RETREG1: variants seen among roughly 807,000 people sequenced by gnomAD.
The protein encoded by RETREG1 is reticulophagy regulator 1.
Under a neutral mutation model 54.8 loss-of-function variants are expected in RETREG1, and 44 were observed. The ratio of observed to expected loss-of-function variants is 0.80; its 90% CI spans 0.63 to 1.03. The LOEUF is 1.03. RETREG1 is among the 50% of genes least tolerant of loss of function. The pLI, the probability that RETREG1 is intolerant of heterozygous loss-of-function variation, is 0.00. For missense variants in RETREG1, 554 were observed against 605.1 expected (o/e 0.92, Z 0.89); for synonymous variants, 217 against 238.5 (o/e 0.91, Z 0.83).
intron 3 of RETREG1, among the ~76,000 whole-genome samples, chr5:16,535,805 G>C (rs1353442595): frequency 7.3e-6 from 1 of 136,502 alleles, no homozygotes; most frequent in Non-Finnish European, 1.5e-5. Flanking sequence ...TGGGGTTCCT[G>C]TGTGCACGCT....
intron 3 of RETREG1, chr5:16,509,007 C>T: frequency 9.9e-7 from 1 of 1,009,808 alleles, no homozygotes; most frequent in Non-Finnish European, 1.2e-6. Context: ...ATGACTTCAC[C>T]TAGGCCCGCC....
Position 16,477,670 on chromosome 5 carries a change from G to A in RETREG1, c.992C>T (p.Thr331Ile), listed in dbSNP as rs762417636. ...LSEGYTPQTD[T>I]SDDLDRPSEE... ...CAGAAATATTAGCATACCATCAGAA[G>A]TGTCTGTCTGTGGAGTGTATCCTTC... Residue 331 changes from threonine to isoleucine, a missense_variant, in exon 8 of 9, where the codon ACT becomes ATT. Physicochemically the swap from Thr to Ile is moderately conservative, Grantham distance 89. Transcript: ENST00000306320. 1 of 1,612,976 alleles carries A rather than the reference G, an allele frequency of 6.2e-7. No individual in the cohort carries two copies. The highest frequency in any genetic ancestry group is 8.5e-7 in the Non-Finnish European group (1 of 1,179,262).
intron 1 of RETREG1, among the ~76,000 whole-genome samples, chr5:16,580,824 G>A (rs1742459673): frequency 6.6e-6 from 1 of 152,164 alleles, no homozygotes; most frequent in Admixed American, 6.5e-5. Context: ...AAGTGAAAAT[G>A]CAGAGACCTC....
At chr5:16,479,645 T>C (rs1439056602) in intron 5 of RETREG1, among the ~76,000 whole-genome samples, 2 of 152,122 alleles carry the variant, frequency 1.3e-5, no homozygotes, top group Non-Finnish European at 2.9e-5. Context: ...GAGAATGGAT[T>C]TGAGCTCTGA....
At chr5:16,552,305 G>T (rs1389634438) in intron 3 of RETREG1, among the ~76,000 whole-genome samples, 4 of 152,158 alleles carry the variant, frequency 2.6e-5, no homozygotes, top group Non-Finnish European at 5.9e-5. Flanking sequence ...ACAATCACTT[G>T]CAAATTAAGT....
At chr5:16,550,156 C>G (rs1741492716) in intron 3 of RETREG1, among the ~76,000 whole-genome samples, 1 of 152,026 alleles carries the variant, frequency 6.6e-6, no homozygotes, top group African/African-American at 2.4e-5. Context: ...AGTGAGGATA[C>G]TACACCATGA....
chr5:16,567,110 G>C (rs549386767), intron 2 of RETREG1, among the ~76,000 whole-genome samples: 1 of 152,334 alleles, frequency 6.6e-6, no homozygotes, highest in East Asian at 1.9e-4. Context: ...GGTAAGGACA[G>C]CATCTCTGTA....
intron 3 of RETREG1, among the ~76,000 whole-genome samples, chr5:16,526,210 G>A (rs981763540): frequency 2.0e-5 from 3 of 152,218 alleles, no homozygotes; most frequent in Non-Finnish European, 4.4e-5. Context: ...ATTCTGTAGA[G>A]AAATATTTTG....
chr5:16,599,132 C>T (rs768636131), intron 1 of RETREG1, among the ~76,000 whole-genome samples: 15 of 152,116 alleles, frequency 9.9e-5, no homozygotes, highest in African/African-American at 3.6e-4. Context: ...TGCTTGAGCC[C>T]GGAAGTGGAG....
chr5:16,518,376 G>C (rs955911380), intron 3 of RETREG1, among the ~76,000 whole-genome samples: 3 of 151,158 alleles, frequency 2.0e-5, no homozygotes, highest in Admixed American at 2.0e-4. Flanking sequence ...GAGGGGGAGA[G>C]GATGGGTGAA....
intron 3 of RETREG1, among the ~76,000 whole-genome samples, chr5:16,531,709 G>A (rs1042461913): frequency 6.6e-6 from 1 of 152,126 alleles, no homozygotes; most frequent in Non-Finnish European, 1.5e-5. Context: ...GACACGCGTG[G>A]CACATCTGAG....
intron 3 of RETREG1, among the ~76,000 whole-genome samples, chr5:16,497,724 A>G (rs960011702): frequency 6.6e-6 from 1 of 152,178 alleles, no homozygotes; most frequent in Non-Finnish European, 1.5e-5. Context: ...ATTGCCATGC[A>G]TGGCAGACCA....
At chr5:16,614,379 CAA>C (rs1280709846) in intron 1 of RETREG1, among the ~76,000 whole-genome samples, 14 of 152,210 alleles carry the variant, frequency 9.2e-5, no homozygotes, top group Admixed American at 7.8e-4. Flanking sequence ...TATAAACAAA[CAA>C]TGCTGATAAA....
At chr5:16,520,423 G>A (rs142037344) in intron 3 of RETREG1, among the ~76,000 whole-genome samples, 5,449 of 152,004 alleles carry the variant, frequency 0.036, 336 homozygotes, top group African/African-American at 0.12. Context: ...TCCGTCTCCC[G>A]CGTTCAAGCG....
At chr5:16,524,722 G>A (rs1182854325) in intron 3 of RETREG1, among the ~76,000 whole-genome samples, 2 of 152,214 alleles carry the variant, frequency 1.3e-5, no homozygotes, top group African/African-American at 4.8e-5. Context: ...TCCAGCTTCT[G>A]TGTCCTTCCC....
At chr5:16,591,834 A>G (rs1050577591) in intron 1 of RETREG1, among the ~76,000 whole-genome samples, 1 of 152,250 alleles carries the variant, frequency 6.6e-6, no homozygotes, top group African/African-American at 2.4e-5. Context: ...CATGAAAAAC[A>G]ATGCAGGGAA....
At chr5:16,525,466 T>C (rs748862074) in intron 3 of RETREG1, among the ~76,000 whole-genome samples, 7 of 152,116 alleles carry the variant, frequency 4.6e-5, no homozygotes, top group Non-Finnish European at 7.4e-5. Flanking sequence ...GAAACAACTG[T>C]TCCTAGGTTC....
chr5:16,494,706 T>C (rs1446758531), intron 3 of RETREG1, among the ~76,000 whole-genome samples: 1 of 152,180 alleles, frequency 6.6e-6, no homozygotes, highest in Non-Finnish European at 1.5e-5. Context: ...CTTTTCCTTA[T>C]AGATTACCCA....
chr5:16,578,738 A>G (rs2126317924), intron 1 of RETREG1, among the ~76,000 whole-genome samples: 1 of 152,268 alleles, frequency 6.6e-6, no homozygotes, highest in Middle Eastern at 3.4e-3. Flanking sequence ...TTACTGGGGG[A>G]GGCAGGGAAT....
Sources: gnomAD v4.1 joint callset for allele counts (sites outside exome capture counted in the v4.1 genomes callset) on GRCh38, gnomAD v4.1.1 for gene constraint, MANE v1.5 for transcripts, NCBI Gene and HGNC (gene_info 2026-07-23, HGNC 2026-07-21) for gene names.